ELF2: variants seen among roughly 807,000 people sequenced by gnomAD.
ELF2 encodes the protein E74 like ETS transcription factor 2.
A neutral mutation model predicts 54.8 loss-of-function variants in ELF2; 11 were observed. The ratio of observed to expected loss-of-function variants is 0.20; its 90% CI spans 0.13 to 0.33. The LOEUF is 0.33. ELF2 is among the 10% of genes least tolerant of loss of function. ELF2 has a pLI of 1.00. For missense variants in ELF2, 513 were observed against 703.0 expected, an observed-to-expected ratio of 0.73 and a Z score of 3.06; for synonymous variants, 203 against 245.1, an observed-to-expected ratio of 0.83 and a Z score of 1.61.
At chr4:139,115,998 C>T (rs961401028) in intron 4 of ELF2, among the ~76,000 whole-genome samples, 2 of 152,028 alleles carry the variant, frequency 1.3e-5, no homozygotes, top group Non-Finnish European at 2.9e-5. Flanking sequence ...TCCACCACCA[C>T]GCCTGGCTAA....
rs1167155696 is a variant in ELF2, at chr4:139,060,385, G to A, written c.1096C>T (p.His366Tyr). The change falls in exon 9 of 10, where the codon CAC (histidine) becomes TAC (tyrosine). Residue 366 changes from histidine (H) to tyrosine (Y), a missense_variant. His to Tyr is a moderately conservative substitution (Grantham distance 83, BLOSUM62 2). Transcript: ENST00000686138. ...GTAGGAGACCTGGATGAAGCATCGTGCCCAGGGGAAGTGATATTCACAACT... is the reference window on the plus strand; with the variant it reads ...GTAGGAGACCTGGATGAAGCATCGTACCCAGGGGAAGTGATATTCACAACT... ...ARVVNITSPG[H>Y]DASSRSPTTT... 6.2e-7 allele frequency: 1 copy of A among 1,613,946 alleles called. No individual in the cohort carries two copies. Among genetic ancestry groups the A allele is most frequent in the Non-Finnish European group, 8.5e-7 (1 of 1,180,020 alleles).
chr4:139,162,216 T>C (rs1252193820), intron 1 of ELF2, among the ~76,000 whole-genome samples: 1 of 150,462 alleles, frequency 6.6e-6, no homozygotes, highest in African/African-American at 2.4e-5. Context: ...ATAATAAAAA[T>C]TAAAAAAATA....
At chr4:139,159,066 G>A (rs1184759109) in intron 1 of ELF2, among the ~76,000 whole-genome samples, 2 of 152,156 alleles carry the variant, frequency 1.3e-5, no homozygotes, top group East Asian at 3.9e-4. Context: ...CTGACAGAAG[G>A]GAAGAAATGA....
At chr4:139,069,255 G>A (rs1192269502) in intron 6 of ELF2, among the ~76,000 whole-genome samples, 2 of 152,136 alleles carry the variant, frequency 1.3e-5, no homozygotes, top group African/African-American at 4.8e-5. Context: ...TCATTAGGAA[G>A]CATTAGATTA....
intron 4 of ELF2, among the ~76,000 whole-genome samples, chr4:139,075,899 C>CT (rs1244460624): frequency 6.6e-5 from 10 of 152,140 alleles, no homozygotes; most frequent in Non-Finnish European, 1.5e-4. Context: ...TTAAGAGTCT[C>CT]TAACTTGACA....
At chr4:139,170,239 C>G (rs1742140016) in intron 1 of ELF2, among the ~76,000 whole-genome samples, 1 of 148,266 alleles carries the variant, frequency 6.7e-6, no homozygotes, top group African/African-American at 2.5e-5. Context: ...ACTAATTACA[C>G]TTTAAAAGAT....
At chr4:139,083,663 C>T (rs1048783716) in intron 4 of ELF2, among the ~76,000 whole-genome samples, 6 of 152,194 alleles carry the variant, frequency 3.9e-5, no homozygotes, top group Non-Finnish European at 8.8e-5. Flanking sequence ...GCGGGGGTGG[C>T]GAGCGTTCGC....
At chr4:139,176,517 C>T (rs550410513) in intron 1 of ELF2, among the ~76,000 whole-genome samples, 2 of 152,208 alleles carry the variant, frequency 1.3e-5, no homozygotes, top group Admixed American at 1.3e-4. Flanking sequence ...TCCCAGGACG[C>T]GCTTCCTCCG....
intron 1 of ELF2, among the ~76,000 whole-genome samples, chr4:139,149,004 C>G (rs191881082): frequency 6.6e-6 from 1 of 152,272 alleles, no homozygotes; most frequent in South Asian, 2.1e-4. Context: ...GAAAAAAATT[C>G]AACCAAGACT....
At chr4:139,064,347 G>A (rs975591565) in intron 7 of ELF2, among the ~76,000 whole-genome samples, 11 of 152,224 alleles carry the variant, frequency 7.2e-5, no homozygotes, top group African/African-American at 2.2e-4. Context: ...GTCCTGAGAC[G>A]AAAAAGATAG....
chr4:139,124,782 C>G (rs1736745855), intron 4 of ELF2, among the ~76,000 whole-genome samples: 1 of 152,026 alleles, frequency 6.6e-6, no homozygotes, highest in Non-Finnish European at 1.5e-5. Flanking sequence ...CTCAAAGAAA[C>G]TCATAATCAA....
At chr4:139,077,809 T>C (rs1322263503) in intron 4 of ELF2, among the ~76,000 whole-genome samples, 1 of 152,218 alleles carries the variant, frequency 6.6e-6, no homozygotes, top group African/African-American at 2.4e-5. Flanking sequence ...CTTATCTTAC[T>C]TAAAACTTGA....
rs1244761299 is a variant in ELF2 at position 139,058,672 on chromosome 4, ATGTT to A, written c.*307_*310del. The A allele has an allele frequency of 1.5e-5, 4 of 264,042 alleles. No homozygotes were observed. The highest frequency in any genetic ancestry group is 2.9e-5 in the Non-Finnish European group (4 of 139,038). The allele number at this position is 264,042 out of a possible 1,614,324, so 16.4% of individuals were successfully genotyped here. A position where few individuals can be genotyped will look rare whatever the true frequency, so the allele number is the denominator to read the frequency against. On this transcript the variant is annotated 3_prime_UTR_variant, in exon 10 of 10. Transcript: ENST00000686138. Reference sequence around the variant, plus strand: ...TGAAAACTATATAACCTCTTACAGAATGTTAGTGTTCCAAGTCTTAGTGTAACTT... The same window carrying A: ...TGAAAACTATATAACCTCTTACAGAAAGTGTTCCAAGTCTTAGTGTAACTT...
At chr4:139,083,334 A>C (rs1472056546) in intron 4 of ELF2, among the ~76,000 whole-genome samples, 1 of 152,104 alleles carries the variant, frequency 6.6e-6, no homozygotes, top group African/African-American at 2.4e-5. Context: ...CAGGGGTACA[A>C]ATATATTCCG....
At chr4:139,067,256 A>C (rs1728843875) in intron 7 of ELF2, 1 of 157,276 alleles carries the variant, frequency 6.4e-6, no homozygotes, top group Admixed American at 6.1e-5. Context: ...ACACCACCAC[A>C]CACCAGCCTG....
intron 4 of ELF2, among the ~76,000 whole-genome samples, chr4:139,099,511 AT>A (rs1338033103): frequency 6.6e-6 from 1 of 152,186 alleles, no homozygotes; most frequent in Non-Finnish European, 1.5e-5. Flanking sequence ...TCAACTGATA[AT>A]TGGCTCCCGT....
intron 4 of ELF2, among the ~76,000 whole-genome samples, chr4:139,107,847 A>G (rs533259200): frequency 1.3e-5 from 2 of 152,208 alleles, no homozygotes; most frequent in Non-Finnish European, 2.9e-5. Context: ...TAAATACCGG[A>G]AAGATCAAGA....
intron 1 of ELF2, among the ~76,000 whole-genome samples, chr4:139,170,433 T>C (rs1003976465): frequency 2.0e-5 from 3 of 151,590 alleles, no homozygotes; most frequent in Non-Finnish European, 4.4e-5. Context: ...CCGGCTAATT[T>C]TTGTATTTTT....
At chr4:139,102,999 C>T (rs914053302) in intron 4 of ELF2, among the ~76,000 whole-genome samples, 1 of 152,130 alleles carries the variant, frequency 6.6e-6, no homozygotes, top group African/African-American at 2.4e-5. Flanking sequence ...CCACCTCAGC[C>T]TCCAAGTGGC....
Sources: allele counts gnomAD v4.1 joint callset (sites outside exome capture counted in the v4.1 genomes callset), GRCh38; gene constraint gnomAD v4.1.1; transcripts MANE v1.5; gene names NCBI Gene and HGNC (gene_info 2026-07-23, HGNC 2026-07-21).